LBH: variants seen among roughly 807,000 people sequenced by gnomAD.
LBH encodes the protein LBH regulator of Wnt signaling pathway.
A neutral mutation model predicts 12.5 loss-of-function variants in LBH; 7 were observed. That is an observed-to-expected ratio of 0.56 (90% CI 0.32 to 1.05). The LOEUF is 1.05. LBH is among the 50% of genes least tolerant of loss of function. The pLI, the probability that LBH is intolerant of heterozygous loss-of-function variation, is 0.04. For synonymous variants in LBH, 51 were observed against 50.1 expected (o/e 1.02, Z -0.08); for missense variants, 119 against 138.9 (o/e 0.86, Z 0.72).
At chr2:30,245,253 A>G (rs1273425777) in intron 2 of LBH, among the ~76,000 whole-genome samples, 1 of 152,364 alleles carries the variant, frequency 6.6e-6, no homozygotes, top group Non-Finnish European at 1.5e-5. Context: ...GAGTTTTTTA[A>G]TAGGTCATGG....
Position 30,234,557 on chromosome 2 carries a change from G to C in LBH, c.129+50G>C, listed in dbSNP as rs576317566. 3.4e-5 allele frequency: 49 copies of C among 1,421,524 alleles called. 1 individual carries two copies. In the South Asian group the frequency reaches 5.6e-4, roughly 16 times the overall value. The allele number at this position is 1,421,524 out of a possible 1,614,324, so 88.1% of individuals were successfully genotyped here. A position where few individuals can be genotyped will look rare whatever the true frequency, so the allele number is the denominator to read the frequency against. On this transcript the variant is annotated intron_variant, in intron 2 of 2. Transcript: ENST00000395323. ...GACTCTCTAGAGCCTAGTGGTTTTT[G>C]CTGGGGGTGAGGACAGACTTGGTTT... is the stretch of plus-strand genomic sequence containing the variant.
chr2:30,245,376 T>C (rs1572380348), intron 2 of LBH, among the ~76,000 whole-genome samples: 1 of 152,326 alleles, frequency 6.6e-6, no homozygotes, highest in South Asian at 2.1e-4. Flanking sequence ...TTTTAGAACA[T>C]GTGAAAGGAG....
At chr2:30,256,289 G>T (rs1001202) in intron 2 of LBH, among the ~76,000 whole-genome samples, 5 of 151,994 alleles carry the variant, frequency 3.3e-5, no homozygotes, top group Admixed American at 6.6e-5. Context: ...CCTGGCTGAC[G>T]GGACTCTGGA....
chr2:30,234,240 A>T, intron 1 of LBH, 165 bp from the exon 2 acceptor site: 1 of 604,688 alleles, frequency 1.7e-6, no homozygotes, highest in Non-Finnish European at 3.0e-6. Context: ...GTGGGCTTGC[A>T]AGGCGCTTCC....
chr2:30,257,051 A>G (rs1678097868), intron 2 of LBH, among the ~76,000 whole-genome samples: 2 of 152,206 alleles, frequency 1.3e-5, no homozygotes, highest in South Asian at 4.1e-4. Flanking sequence ...CACCTGTTGT[A>G]TTCTTTGTAC....
At position 30,252,096 on chromosome 2, in the gene LBH, T is replaced by A. The variant is rs192650002; in HGVS notation, c.130-5337T>A. ...GCCGTGTCCCCACCCAGATCTTATC[T>A]TGAATTGTAGTTCCCATAATCCCCT... is the stretch of plus-strand genomic sequence containing the variant. On this transcript the variant is annotated intron_variant, in intron 2 of 2. Transcript: ENST00000395323. 4.9e-3 allele frequency among the ~76,000 whole-genome samples: 745 copies of A among 152,344 alleles called. 5 individuals carry two copies. Among genetic ancestry groups the A allele is most frequent in the Admixed American group, 7.6e-3 (117 of 15,310 alleles).
intron 2 of LBH, among the ~76,000 whole-genome samples, chr2:30,254,510 T>C (rs74868162): frequency 0.015 from 2,255 of 152,226 alleles, 59 homozygotes; most frequent in African/African-American, 0.051. Context: ...ATTAGATTTT[T>C]TTCCTTATTT....
chr2:30,255,690 T>TA (rs1678071942), intron 2 of LBH, among the ~76,000 whole-genome samples: 1 of 152,100 alleles, frequency 6.6e-6, no homozygotes, highest in Non-Finnish European at 1.5e-5. Flanking sequence ...TGGGGTTGGG[T>TA]TGCAATAAGA....
At chr2:30,248,865 A>C (rs892848359) in intron 2 of LBH, among the ~76,000 whole-genome samples, 1 of 152,228 alleles carries the variant, frequency 6.6e-6, no homozygotes, top group African/African-American at 2.4e-5. Flanking sequence ...GATGGTGTTT[A>C]TCCAAAGGAT....
chr2:30,254,623 C>T (rs11687193), intron 2 of LBH, among the ~76,000 whole-genome samples: 32,718 of 151,658 alleles, frequency 0.22, 4,217 homozygotes, highest in Middle Eastern at 0.32. Context: ...CCTCCCCCTC[C>T]CCCCCTCCTC....
At chr2:30,231,803 G>C in intron 1 of LBH, 39 bp downstream of exon 1, 2 of 1,538,580 alleles carry the variant, frequency 1.3e-6, no homozygotes, top group South Asian at 2.4e-5. Context: ...CTGTCTCGCG[G>C]CGGTGGCTGC....
intron 1 of LBH, 79 bp from the exon 2 acceptor site, chr2:30,234,326 C>T (rs1295664504): frequency 4.6e-6 from 5 of 1,092,388 alleles, no homozygotes; most frequent in Non-Finnish European, 7.1e-6. Context: ...TCCCCTGATC[C>T]CACAGCAGTG....
chr2:30,238,289 C>A (rs932471909), intron 2 of LBH, among the ~76,000 whole-genome samples: 1 of 152,218 alleles, frequency 6.6e-6, no homozygotes, highest in African/African-American at 2.4e-5. Flanking sequence ...AGTTTCATCA[C>A]CCCAGCTAAG....
chr2:30,253,027 G>C (rs1318098950), intron 2 of LBH, among the ~76,000 whole-genome samples: 2 of 152,328 alleles, frequency 1.3e-5, no homozygotes, highest in South Asian at 4.1e-4. Flanking sequence ...TTTCTTTTGG[G>C]AACAGGGGCA....
intron 2 of LBH, among the ~76,000 whole-genome samples, chr2:30,245,122 A>G (rs1247645061): frequency 6.6e-6 from 1 of 152,182 alleles, no homozygotes; most frequent in Non-Finnish European, 1.5e-5. Context: ...GCTAATGACT[A>G]AAAACTTTCA....
At chr2:30,232,296 G>C (rs543923609) in intron 1 of LBH, 231 of 1,455,050 alleles carry the variant, frequency 1.6e-4, no homozygotes, top group Admixed American at 2.1e-4. Context: ...ACAAGCAGCA[G>C]GGCACGCGCT....
At chr2:30,237,440 G>GGCATCCTCGAT (rs1479890134) in intron 2 of LBH, among the ~76,000 whole-genome samples, 1 of 152,148 alleles carries the variant, frequency 6.6e-6, no homozygotes, top group East Asian at 1.9e-4. Flanking sequence ...GCCGCTTCGA[G>GGCATCCTCGAT]GATACGGGTC....
chr2:30,231,687 C>T lies in LBH; in HGVS notation c.-52C>T. ...GCCCGTGTCATCCTCACTCGGGACG[C>T]AGGGACCGTTTTTAAATCACAGGGG... is the stretch of plus-strand genomic sequence containing the variant. On this transcript the variant is annotated 5_prime_UTR_variant, in exon 1 of 3. Coordinates refer to ENST00000395323, the MANE Select transcript of LBH (RefSeq NM_030915.4). The T allele has an allele frequency of 2.6e-6, 4 of 1,566,348 alleles. No homozygotes were observed.
Position 30,234,481 on chromosome 2 carries a change from C to T in LBH, c.103C>T (p.Pro35Ser). 6.2e-7 allele frequency: 1 copy of T among 1,613,930 alleles called. No homozygotes were observed. The highest frequency in any genetic ancestry group is 8.5e-7 in the Non-Finnish European group (1 of 1,179,844). Reference protein sequence around the residue: ...TQPMEEIGLSPRKDGLSYQIF... With the variant: ...TQPMEEIGLSSRKDGLSYQIF... The stretch of plus-strand genomic sequence containing the variant: ...GCCCATGGAGGAGATCGGCCTCAGC[C>T]CCCGCAAGGATGGCCTTTCCTACCA... Residue 35 changes from proline (P) to serine (S), a missense_variant, in exon 2 of 3, where the codon CCC becomes TCC. Coordinates refer to ENST00000395323, the MANE Select transcript of LBH (RefSeq NM_030915.4).
Sources: allele counts gnomAD v4.1 joint callset (sites outside exome capture counted in the v4.1 genomes callset), GRCh38; gene constraint gnomAD v4.1.1; transcripts MANE v1.5; gene names NCBI Gene and HGNC (gene_info 2026-07-23, HGNC 2026-07-21).